TLL2: variants seen among roughly 807,000 people sequenced by gnomAD.
TLL2 encodes the protein tolloid like 2, also known as tolloid-like protein 2.
Under a neutral mutation model 123.0 loss-of-function variants are expected in TLL2, and 106 were observed. The ratio of observed to expected loss-of-function variants is 0.86; its 90% CI spans 0.74 to 1.01. The LOEUF is 1.01. Ranked by LOEUF, TLL2 falls within the 50% of genes least tolerant of loss-of-function variation. TLL2 has a pLI of 0.00. For missense variants in TLL2, 1,332 were observed against 1,336.7 expected, an observed-to-expected ratio of 1.00 and a Z score of 0.06; for synonymous variants, 494 against 516.8, an observed-to-expected ratio of 0.96 and a Z score of 0.60.
intron 2 of TLL2, among the ~76,000 whole-genome samples, chr10:96,473,673 G>A (rs79597028): frequency 0.071 from 10,843 of 152,202 alleles, 550 homozygotes; most frequent in Non-Finnish European, 0.11. Context: ...TAGATGAGGC[G>A]GGAAACATCA....
rs1735899322 is a variant in TLL2 at position 96,397,135 on chromosome 10, G to A, written c.1384+51C>T. On this transcript the variant is annotated intron_variant, in intron 11 of 20. Transcript: ENST00000357947. ...AGAGGGACAGTGGGCTGCCTGGGAA[G>A]GACAGAGCTTATGAGGGGCCACCGA... 4 of 1,518,574 alleles carry A rather than the reference G, an allele frequency of 2.6e-6. No homozygotes were observed. The South Asian group carries it at 4.7e-5, about 18-fold the overall frequency. 94.1% of individuals were successfully genotyped at this position (1,518,574 alleles called of 1,614,324 possible).
intron 1 of TLL2, among the ~76,000 whole-genome samples, chr10:96,491,549 G>A (rs147914271): frequency 6.6e-6 from 1 of 152,170 alleles, no homozygotes; most frequent in Non-Finnish European, 1.5e-5. Flanking sequence ...AATGTTTCAG[G>A]AATAGATTAT....
At position 96,395,747 on chromosome 10, in the gene TLL2, A is replaced by G. The variant is rs988922691; in HGVS notation, c.1530+128T>C. 4.0e-6 allele frequency: 5 copies of G among 1,235,728 alleles called. No individual in the cohort carries two copies. The African/African-American group carries it at 7.6e-5, about 19-fold the overall frequency. 76.5% of individuals were successfully genotyped at this position (1,235,728 alleles called of 1,614,324 possible). A position where few individuals can be genotyped will look rare whatever the true frequency, so the allele number is the denominator to read the frequency against. ...GATGTCAGATGTCCGGGCACAATTC[A>G]CTATGGGCTTGAGAATAGCCTCTTA... On this transcript the variant is annotated intron_variant, in intron 12 of 20. Coordinates refer to ENST00000357947, the MANE Select transcript of TLL2 (RefSeq NM_012465.4).
intron 3 of TLL2, among the ~76,000 whole-genome samples, chr10:96,443,164 T>C (rs1432223432): frequency 6.6e-6 from 1 of 152,166 alleles, no homozygotes; most frequent in African/African-American, 2.4e-5. Flanking sequence ...TCTCCAAATA[T>C]GGCCGCCAAG....
chr10:96,429,751 G>A (rs1185218000), intron 4 of TLL2, among the ~76,000 whole-genome samples: 4 of 152,224 alleles, frequency 2.6e-5, no homozygotes, highest in Admixed American at 6.5e-5. Flanking sequence ...ACTTTTGCAC[G>A]GGGTTTCAGT....
chr10:96,459,522 T>C (rs1399120349), intron 2 of TLL2, among the ~76,000 whole-genome samples: 1 of 149,734 alleles, frequency 6.7e-6, no homozygotes, highest in Non-Finnish European at 1.5e-5. Flanking sequence ...CCACTGAAAA[T>C]ACAAAAATCA....
intron 5 of TLL2, among the ~76,000 whole-genome samples, chr10:96,423,911 G>A (rs1589419151): frequency 6.6e-6 from 1 of 152,082 alleles, no homozygotes; most frequent in Non-Finnish European, 1.5e-5. Flanking sequence ...GCAGTTGAAT[G>A]GATAAAGAAA....
At chr10:96,418,866 T>A (rs922542975) in intron 7 of TLL2, among the ~76,000 whole-genome samples, 1 of 150,020 alleles carries the variant, frequency 6.7e-6, no homozygotes, top group Non-Finnish European at 1.5e-5. Context: ...TTAATAATTA[T>A]TAATAGATAA....
At chr10:96,464,173 C>A (rs1330065346) in intron 2 of TLL2, among the ~76,000 whole-genome samples, 1 of 152,052 alleles carries the variant, frequency 6.6e-6, no homozygotes, top group Non-Finnish European at 1.5e-5. Context: ...TTACTTGAGT[C>A]AGGAGTTCAA....
intron 2 of TLL2, among the ~76,000 whole-genome samples, chr10:96,476,248 T>TTTTTTTTTGTTGTTG (rs1285354320): frequency 3.3e-4 from 23 of 69,236 alleles, no homozygotes; most frequent in African/African-American, 1.1e-3. Context: ...ATATTTTATT[T>TTTTTTTTTGTTGTTG]TTGTTGTTGT....
chr10:96,485,601 A>G (rs1463558811), intron 1 of TLL2, among the ~76,000 whole-genome samples: 1 of 152,252 alleles, frequency 6.6e-6, no homozygotes, highest in Non-Finnish European at 1.5e-5. Context: ...ACCACTTCAC[A>G]GCCATTTGGA....
chr10:96,492,352 C>T (rs897229324), intron 1 of TLL2, among the ~76,000 whole-genome samples: 3 of 152,260 alleles, frequency 2.0e-5, no homozygotes, highest in South Asian at 2.1e-4. Flanking sequence ...TGCTAGGCGC[C>T]GTGGCTCACG....
In TLL2 at chr10:96,395,227, G is replaced by A; in HGVS notation, c.1686C>T (p.Gly562=). Residue 562 remains glycine (G), a synonymous_variant, in exon 13 of 21, where the codon GGC becomes GGT. Coordinates refer to ENST00000357947, the MANE Select transcript of TLL2 (RefSeq NM_012465.4). The stretch of plus-strand genomic sequence containing the variant: ...CTGCAAAGCCCGCTTTATTGATAGA[G>A]CCATCGGACACAAACTTCATCCACA... ...NRLWMKFVSD[G]SINKAGFAAN... is the part of the protein sequence containing the mutation. 1.2e-6 allele frequency: 2 copies of A among 1,612,442 alleles called. No individual in the cohort carries two copies. Among genetic ancestry groups the A allele is most frequent in the Non-Finnish European group, 1.7e-6 (2 of 1,179,462 alleles).
At chr10:96,412,419 A>G (rs1370828255) in intron 8 of TLL2, among the ~76,000 whole-genome samples, 2 of 152,190 alleles carry the variant, frequency 1.3e-5, no homozygotes, top group Non-Finnish European at 2.9e-5. Flanking sequence ...ATCCATCAGT[A>G]CTAAAAACTC....
At chr10:96,385,034 CTTTAA>C (rs1219273756) in intron 15 of TLL2, among the ~76,000 whole-genome samples, 3 of 152,300 alleles carry the variant, frequency 2.0e-5, no homozygotes, top group African/African-American at 7.2e-5. Context: ...TGTAGCCTTG[CTTTAA>C]TTTATTTTAT....
chr10:96,400,648 G>A (rs891267908), intron 10 of TLL2, among the ~76,000 whole-genome samples: 10 of 152,170 alleles, frequency 6.6e-5, no homozygotes, highest in African/African-American at 2.2e-4. Context: ...GACACTGATC[G>A]GCCAGCCTGG....
At chr10:96,413,137 A>T in intron 8 of TLL2, 55 bp downstream of exon 8, 1 of 1,603,088 alleles carries the variant, frequency 6.2e-7, no homozygotes, top group South Asian at 1.1e-5. Flanking sequence ...CAGCATAGGG[A>T]CTGTGCTTTG....
At position 96,468,670 on chromosome 10, in the gene TLL2, G is replaced by C. The variant is rs1432527884; in HGVS notation, c.286+11679C>G. On this transcript the variant is annotated intron_variant, in intron 2 of 20. Transcript: ENST00000357947. ...AAGCTCATCTCCCAATTTTGATTCA[G>C]GCTCTCAGGTTCATGGTTCATGAGG... Among the ~76,000 whole-genome samples the C allele has an allele frequency of 2.0e-5, 3 of 152,148 alleles. No individual in the cohort carries two copies. In the East Asian group the frequency reaches 5.8e-4, roughly 29 times the overall value.
chr10:96,418,329 T>C (rs938854108), intron 7 of TLL2, among the ~76,000 whole-genome samples: 2 of 152,238 alleles, frequency 1.3e-5, no homozygotes, highest in African/African-American at 2.4e-5. Context: ...GTGCAGTGCC[T>C]GGCACGGAGC....
Sources: gnomAD v4.1 joint callset for allele counts (sites outside exome capture counted in the v4.1 genomes callset) on GRCh38, gnomAD v4.1.1 for gene constraint, MANE v1.5 for transcripts, NCBI Gene and HGNC (gene_info 2026-07-23, HGNC 2026-07-21) for gene names.